The following INTS10 variants were observed in gnomAD, a reference collection of about 807,000 sequenced individuals.
INTS10 encodes chromosome 8 open reading frame 35.
Under a neutral mutation model 94.4 loss-of-function variants are expected in INTS10, and 44 were observed. That is an observed-to-expected ratio of 0.47 (90% CI 0.37 to 0.60). The LOEUF is 0.60. Ranked by LOEUF, INTS10 falls within the 20% of genes least tolerant of loss-of-function variation. The probability of loss-of-function intolerance (pLI) is 0.00; values close to 1 mark genes in which losing one functional copy is unlikely to be tolerated. For missense variants in INTS10, 797 were observed against 868.7 expected (o/e 0.92, Z 1.04); for synonymous variants, 341 against 320.7 (o/e 1.06, Z -0.68).
At chr8:19,818,681 A>G (rs2066130681) in intron 2 of INTS10, 2 of 328,950 alleles carry the variant, frequency 6.1e-6, no homozygotes, top group Non-Finnish European at 5.9e-6. Flanking sequence ...TAAGTTTTGT[A>G]GGCAGTATAT....
At chr8:19,820,205 C>G (rs941950128) in intron 3 of INTS10, among the ~76,000 whole-genome samples, 174 bp from the exon 4 acceptor site, 1 of 152,190 alleles carries the variant, frequency 6.6e-6, no homozygotes, top group Non-Finnish European at 1.5e-5. Context: ...AGCAAACATC[C>G]TGTGCCAGAT....
intron 4 of INTS10, 114 bp downstream of exon 4, chr8:19,820,632 T>C (rs963084072): frequency 5.8e-6 from 5 of 862,008 alleles, no homozygotes; most frequent in East Asian, 2.7e-5. Flanking sequence ...CTGGTTAAGA[T>C]TGAACTGAAA....
chr8:19,824,169 A>C, intron 7 of INTS10, 125 bp downstream of exon 7: 2 of 696,240 alleles, frequency 2.9e-6, no homozygotes, highest in Non-Finnish European at 4.8e-6. Context: ...GTGACACTCA[A>C]TGCAAAAGAG....
Position 19,846,921 on chromosome 8 carries a change from G to C in INTS10, c.1976+1124G>C, listed in dbSNP as rs2068629087. ...TTCTGCAAGAGACTGAATCCTGAAT[G>C]AGAAGAAAGTACTGCTAAAACTAAA... On this transcript the variant is annotated intron_variant, in intron 16 of 16. Coordinates refer to ENST00000397977, the MANE Select transcript of INTS10 (RefSeq NM_018142.4). This position sits in a 1 kb window ranked among gnomAD's most constrained non-coding sequence, Gnocchi z 4.2. Among the ~76,000 whole-genome samples, 1 of 152,208 alleles carries C rather than the reference G, an allele frequency of 6.6e-6. No individual in the cohort carries two copies. Among genetic ancestry groups the C allele is most frequent in the Non-Finnish European group, 1.5e-5 (1 of 68,030 alleles).
chr8:19,843,062 C>T lies in INTS10; in HGVS notation c.1719+135C>T, dbSNP rs2068266910. 1.6e-6 allele frequency: 1 copy of T among 635,442 alleles called. No individual in the cohort carries two copies. Among genetic ancestry groups the T allele is most frequent in the African/African-American group, 1.8e-5 (1 of 54,098 alleles). 39.4% of individuals were successfully genotyped at this position (635,442 alleles called of 1,614,324 possible). A position where few individuals can be genotyped will look rare whatever the true frequency, so the allele number is the denominator to read the frequency against. Reference sequence around the variant, plus strand: ...GCAGGCCCAAACAGTTAGAAAAGCACATGGGCTACTAATTAACAAATCTAT... The same window carrying T: ...GCAGGCCCAAACAGTTAGAAAAGCATATGGGCTACTAATTAACAAATCTAT... On this transcript the variant is annotated intron_variant, in intron 14 of 16. Transcript: ENST00000397977. This position sits in a 1 kb window ranked among gnomAD's most constrained non-coding sequence, Gnocchi z 4.7.
At chr8:19,838,880 G>C (rs1254669217) in intron 13 of INTS10, among the ~76,000 whole-genome samples, 1 of 151,988 alleles carries the variant, frequency 6.6e-6, no homozygotes, top group African/African-American at 2.4e-5. Flanking sequence ...GACCATCCTT[G>C]CTAATATGGT....
rs369004678 is a variant in INTS10 at position 19,820,381 on chromosome 8, T to G, written c.304T>G (p.Leu102Val). The G allele has an allele frequency of 5.6e-6, 9 of 1,608,910 alleles. No individual in the cohort carries two copies. The highest frequency in any genetic ancestry group is 7.6e-6 in the Non-Finnish European group (9 of 1,176,896). ...AAAGTGAAATATGTTTCGTACAGGTTTATTTGAAACTCTTCCTGGTCGGGT... is the reference window on the plus strand; with the variant it reads ...AAAGTGAAATATGTTTCGTACAGGTGTATTTGAAACTCTTCCTGGTCGGGT... Reference protein sequence around the residue: ...QDKQTQFLRSLFETLPGRVQC... With the variant: ...QDKQTQFLRSVFETLPGRVQC... Residue 102 changes from leucine (L) to valine (V), a missense_variant and splice_region_variant, in exon 4 of 17, where the codon TTA (leucine) becomes GTA (valine). Physicochemically the swap from Leu to Val is conservative, Grantham distance 32. Transcript: ENST00000397977.
chr8:19,850,597 T>C (rs1361997056), intron 16 of INTS10, among the ~76,000 whole-genome samples: 1 of 152,188 alleles, frequency 6.6e-6, no homozygotes, highest in Non-Finnish European at 1.5e-5. Flanking sequence ...AGAGTAATTT[T>C]AACACTTTTA....
chr8:19,821,895 C>T (rs779182064), intron 4 of INTS10: 1 of 152,306 alleles, frequency 6.6e-6, no homozygotes, highest in Non-Finnish European at 1.5e-5. Context: ...ATACCAGTGT[C>T]TTGGTGGATT....
chr8:19,842,177 C>T (rs904182607), intron 13 of INTS10, among the ~76,000 whole-genome samples: 3 of 152,084 alleles, frequency 2.0e-5, no homozygotes, highest in Non-Finnish European at 4.4e-5. Context: ...TGTCAATATC[C>T]TCTGTAAAAG....
At position 19,817,443 on chromosome 8, in the gene INTS10, T is replaced by TGACGGC. The variant is rs560734900; in HGVS notation, c.-94_-93insACGGCG. Reference sequence around the variant, plus strand: ...ACATGCGCAGTAGCCTCCCCCGCGGTGGCGGCGGCGGCGGCGGTGGCTGCC... The same window carrying TGACGGC: ...ACATGCGCAGTAGCCTCCCCCGCGGTGACGGCGGCGGCGGCGGCGGCGGTGGCTGCC... On this transcript the variant is annotated 5_prime_UTR_variant, in exon 1 of 17. Transcript: ENST00000397977. 1 of 1,483,338 alleles carries TGACGGC rather than the reference T, an allele frequency of 6.7e-7. No homozygotes were observed. Among genetic ancestry groups the TGACGGC allele is most frequent in the Non-Finnish European group, 9.0e-7 (1 of 1,108,266 alleles). 91.9% of individuals were successfully genotyped at this position (1,483,338 alleles called of 1,614,324 possible).
At chr8:19,818,406 C>G in intron 2 of INTS10, 64 bp downstream of exon 2, 1 of 1,517,806 alleles carries the variant, frequency 6.6e-7, no homozygotes, top group Non-Finnish European at 9.1e-7. Context: ...TTGTTTCTCT[C>G]TGCAGAAGTG....
intron 12 of INTS10, among the ~76,000 whole-genome samples, chr8:19,836,513 TTCTC>T (rs1194155002): frequency 6.6e-6 from 1 of 152,200 alleles, no homozygotes; most frequent in Non-Finnish European, 1.5e-5. Context: ...CCCCATGTCT[TTCTC>T]TCCTGCCTGA....
intron 9 of INTS10, 26 bp from the exon 10 acceptor site, chr8:19,830,380 C>T (rs1217248294): frequency 1.3e-6 from 2 of 1,596,958 alleles, no homozygotes; most frequent in Non-Finnish European, 1.7e-6. Flanking sequence ...ACTGAATTAA[C>T]CATGTTCTCC....
At chr8:19,819,772 CATATGT>C in intron 3 of INTS10, 96 bp downstream of exon 3, 2 of 851,612 alleles carry the variant, frequency 2.3e-6, no homozygotes, top group Non-Finnish European at 3.8e-6. Flanking sequence ...TATTGGTAAC[CATATGT>C]ATGTTTTATT....
At chr8:19,827,350 C>A (rs2128767017) in intron 9 of INTS10, among the ~76,000 whole-genome samples, 1 of 152,332 alleles carries the variant, frequency 6.6e-6, no homozygotes, top group South Asian at 2.1e-4. Flanking sequence ...GAACACCCAT[C>A]TGAAGTAGCT....
At position 19,818,307 on chromosome 8, in the gene INTS10, G is replaced by A. The variant is rs2066100951; in HGVS notation, c.162G>A (p.Glu54=). Residue 54 remains glutamate (E), a synonymous_variant, in exon 2 of 17, where the codon GAG becomes GAA. Coordinates refer to ENST00000397977, the MANE Select transcript of INTS10 (RefSeq NM_018142.4). ...TGTACACCATCGAGCGGAATGCAGA[G>A]CGGACCGCCACCGCCGGGAGGCTGC... The part of the protein sequence containing the change: ...YEMYTIERNA[E]RTATAGRLLY... The A allele has an allele frequency of 3.7e-6, 6 of 1,614,086 alleles. No individual in the cohort carries two copies. The highest frequency in any genetic ancestry group is 5.1e-6 in the Non-Finnish European group (6 of 1,180,040).
intron 13 of INTS10, chr8:19,841,799 T>G (rs1196693910): frequency 4.4e-6 from 2 of 455,964 alleles, no homozygotes; most frequent in Non-Finnish European, 8.8e-6. Flanking sequence ...AGATGAGTGT[T>G]TTTCAAGCTG....
rs746931739 is a variant in INTS10 at position 19,837,123 on chromosome 8, G to C, written c.1602G>C (p.Gln534His). 3 of 1,613,312 alleles carry C rather than the reference G, an allele frequency of 1.9e-6. No homozygotes were observed. The highest frequency in any genetic ancestry group is 2.7e-5 in the African/African-American group (2 of 74,906). The change falls in exon 13 of 17, where the codon CAG becomes CAC. Residue 534 changes from glutamine to histidine, a missense_variant. Transcript: ENST00000397977. ...VLPIQDGGKS[Q>H]EEPSKVKPKF... ...CCATTCAAGATGGAGGCAAATCCCA[G>C]GAGGAACCCTCGAAAGTAAAGCCCA...
Sources: gnomAD v4.1 joint callset for allele counts (sites outside exome capture counted in the v4.1 genomes callset) on GRCh38, gnomAD v4.1.1 for gene constraint, Gnocchi (gnomAD v3.1) non-coding constraint, MANE v1.5 for transcripts, NCBI Gene and HGNC (gene_info 2026-07-23, HGNC 2026-07-21) for gene names.